ERBB4: variants seen among roughly 807,000 people sequenced by gnomAD.
ERBB4 encodes the protein receptor tyrosine-protein kinase erbB-4.
Under a neutral mutation model 158.0 loss-of-function variants are expected in ERBB4, and 42 were observed. The observed-to-expected ratio is 0.27, with a 90% CI of 0.21 to 0.34. The LOEUF is 0.34. Among genes scored for constraint, ERBB4 ranks in the 10% least tolerant of loss-of-function variants. The probability of loss-of-function intolerance (pLI) is 1.00; values close to 1 mark genes in which losing one functional copy is unlikely to be tolerated. For synonymous variants in ERBB4, 583 were observed against 558.7 expected, an observed-to-expected ratio of 1.04 and a Z score of -0.61; for missense variants, 1,333 against 1,624.1, an observed-to-expected ratio of 0.82 and a Z score of 3.08.
intron 2 of ERBB4, among the ~76,000 whole-genome samples, chr2:212,038,042 A>T (rs2125364934): frequency 6.6e-6 from 1 of 152,270 alleles, no homozygotes; most frequent in Admixed American, 6.5e-5. Context: ...ATAACATTCC[A>T]TGTATCATTT....
At chr2:212,223,628 T>C (rs1252578443) in intron 1 of ERBB4, among the ~76,000 whole-genome samples, 4 of 151,528 alleles carry the variant, frequency 2.6e-5, no homozygotes, top group Non-Finnish European at 5.9e-5. Flanking sequence ...TGTGACTCCA[T>C]GTTTGTAAAT....
At chr2:212,157,940 A>G (rs1226682537) in intron 1 of ERBB4, among the ~76,000 whole-genome samples, 1 of 152,062 alleles carries the variant, frequency 6.6e-6, no homozygotes, top group Non-Finnish European at 1.5e-5. Context: ...TAAATACACA[A>G]ATCTGATTCT....
At chr2:211,420,760 G>A (rs1025201698) in intron 24 of ERBB4, 149 bp from the exon 25 acceptor site, 49 of 707,732 alleles carry the variant, frequency 6.9e-5, no homozygotes, top group Middle Eastern at 3.9e-4. Context: ...CACAACCACC[G>A]GCCATTAAGA....
At chr2:211,742,235 C>G (rs1457787855) in intron 5 of ERBB4, among the ~76,000 whole-genome samples, 5 of 152,176 alleles carry the variant, frequency 3.3e-5, no homozygotes, top group East Asian at 3.9e-4. Flanking sequence ...ACATCGGCAC[C>G]TTCTTTTTAA....
intron 1 of ERBB4, among the ~76,000 whole-genome samples, chr2:212,450,613 C>T (rs1311967845): frequency 6.6e-6 from 1 of 152,110 alleles, no homozygotes; most frequent in Non-Finnish European, 1.5e-5. Context: ...TTTTGGACTT[C>T]TGACTTCCAG....
chr2:211,755,694 C>T (rs900531933), intron 4 of ERBB4, among the ~76,000 whole-genome samples: 4 of 152,136 alleles, frequency 2.6e-5, no homozygotes, highest in Non-Finnish European at 4.4e-5. Flanking sequence ...CCTTTGCATT[C>T]CTTTGTAGGA....
rs181640400 is a variant in ERBB4, at chr2:211,927,439, A to G, written c.421+19991T>C. Among the ~76,000 whole-genome samples, 9 of 152,288 alleles carry G rather than the reference A, an allele frequency of 5.9e-5. No individual in the cohort carries two copies. In the East Asian group the frequency reaches 1.3e-3, roughly 23 times the overall value. ...AATTCAACGTTACAGTTTTTTTAGG[A>G]CACAAAAGTATAACACTACCACCAA... On this transcript the variant is annotated intron_variant, in intron 3 of 27. Coordinates refer to ENST00000342788, the MANE Select transcript of ERBB4 (RefSeq NM_005235.3).
chr2:211,561,110 G>C (rs17334994), intron 20 of ERBB4, among the ~76,000 whole-genome samples: 15,662 of 152,040 alleles, frequency 0.1, 928 homozygotes, highest in Non-Finnish European at 0.14. Flanking sequence ...GATAATCATA[G>C]ATATTTGTTT....
At chr2:211,942,386 C>T (rs1487852442) in intron 3 of ERBB4, among the ~76,000 whole-genome samples, 4 of 149,802 alleles carry the variant, frequency 2.7e-5, no homozygotes, top group African/African-American at 9.9e-5. Context: ...GGACAGGGTC[C>T]CTCTGTGCCA....
intron 20 of ERBB4, among the ~76,000 whole-genome samples, chr2:211,451,364 G>A (rs1038287882): frequency 2.0e-5 from 3 of 152,168 alleles, no homozygotes; most frequent in Non-Finnish European, 2.9e-5. Context: ...CAGGAAATTG[G>A]AGATGAAAAA....
chr2:211,494,849 C>T (rs2065430475), intron 20 of ERBB4, among the ~76,000 whole-genome samples: 1 of 152,064 alleles, frequency 6.6e-6, no homozygotes, highest in African/African-American at 2.4e-5. Context: ...CTGTGCACCT[C>T]CTTGGGAATT....
intron 20 of ERBB4, among the ~76,000 whole-genome samples, chr2:211,462,776 C>G (rs1339387800): frequency 6.6e-6 from 1 of 152,102 alleles, no homozygotes; most frequent in Non-Finnish European, 1.5e-5. Flanking sequence ...ATTGTCAGCT[C>G]TCTACATGTT....
intron 27 of ERBB4, among the ~76,000 whole-genome samples, chr2:211,386,625 A>G (rs751967001): frequency 7.9e-5 from 12 of 152,196 alleles, no homozygotes; most frequent in African/African-American, 1.9e-4. Context: ...TAAAATCCAG[A>G]TTCCTATTCA....
At chr2:211,834,718 T>C (rs185688181) in intron 3 of ERBB4, among the ~76,000 whole-genome samples, 2 of 152,172 alleles carry the variant, frequency 1.3e-5, no homozygotes, top group East Asian at 3.9e-4. Flanking sequence ...TCAGCAGATA[T>C]CAATACAATT....
At chr2:212,219,577 A>G (rs1050597588) in intron 1 of ERBB4, among the ~76,000 whole-genome samples, 1 of 151,110 alleles carries the variant, frequency 6.6e-6, no homozygotes, top group Non-Finnish European at 1.5e-5. Flanking sequence ...AATGGGGGGA[A>G]AAATAAAAAA....
intron 1 of ERBB4, among the ~76,000 whole-genome samples, chr2:212,327,720 CTTTT>C (rs1560028639): frequency 2.3e-5 from 1 of 43,558 alleles, no homozygotes; most frequent in African/African-American, 8.2e-5. Context: ...TTTTTTTTTT[CTTTT>C]TTTCTTTTTT....
intron 1 of ERBB4, among the ~76,000 whole-genome samples, chr2:212,316,989 A>ATCCAGATGTTTTTCT: frequency 6.6e-6 from 1 of 151,596 alleles, no homozygotes; most frequent in Admixed American, 6.6e-5. Flanking sequence ...CTAGATTAAA[A>ATCCAGATGTTTTTCT]TCCAGATGTT....
chr2:212,308,161 T>C (rs553268381), intron 1 of ERBB4, among the ~76,000 whole-genome samples: 73 of 151,274 alleles, frequency 4.8e-4, no homozygotes, highest in Admixed American at 2.4e-3. Flanking sequence ...ATGTCAATCA[T>C]TGAAGAAACA....
chr2:211,578,946 C>A (rs570680810), intron 19 of ERBB4, among the ~76,000 whole-genome samples: 14 of 152,222 alleles, frequency 9.2e-5, no homozygotes, highest in African/African-American at 3.4e-4. Flanking sequence ...CAAAGATTGA[C>A]AAATGGGATC....
Sources: gnomAD v4.1 joint callset for allele counts (sites outside exome capture counted in the v4.1 genomes callset) on GRCh38, gnomAD v4.1.1 for gene constraint, MANE v1.5 for transcripts, NCBI Gene and HGNC (gene_info 2026-07-23, HGNC 2026-07-21) for gene names.